Variants in PRKN observed in about 807,000 individuals in gnomAD.
PRKN encodes E3 ubiquitin-protein ligase parkin.
In PRKN, 56 loss-of-function variants were observed where a neutral mutation model predicts 59.5. The ratio of observed to expected loss-of-function variants is 0.94; its 90% CI spans 0.76 to 1.18. PRKN has a LOEUF of 1.18. Among genes scored for constraint, PRKN ranks in the 50% most tolerant of loss-of-function variants. The pLI is 0.00. For synonymous variants in PRKN, 250 were observed against 222.1 expected (o/e 1.13, Z -1.12); for missense variants, 657 against 596.4 (o/e 1.10, Z -1.06).
chr6:162,300,831 A>G (rs1781910280), intron 2 of PRKN, among the ~76,000 whole-genome samples: 1 of 152,126 alleles, frequency 6.6e-6, no homozygotes, highest in South Asian at 2.1e-4. Flanking sequence ...CAACCTACCA[A>G]CAACCATTAA....
At chr6:162,691,529 T>A (rs1029485021) in intron 1 of PRKN, among the ~76,000 whole-genome samples, 22 of 152,108 alleles carry the variant, frequency 1.4e-4, no homozygotes, top group African/African-American at 5.3e-4. Context: ...ACCAATTATC[T>A]CATTGGATAT....
At chr6:161,975,085 C>CTTTTT (rs769121865) in intron 5 of PRKN, among the ~76,000 whole-genome samples, 20 of 124,466 alleles carry the variant, frequency 1.6e-4, no homozygotes, top group Admixed American at 2.5e-4. Flanking sequence ...ACATATACTT[C>CTTTTT]TTTTTTTTTT....
chr6:162,454,585 T>C (rs941795712), intron 1 of PRKN, among the ~76,000 whole-genome samples: 1 of 152,230 alleles, frequency 6.6e-6, no homozygotes, highest in Non-Finnish European at 1.5e-5. Context: ...CTCCCTCCTC[T>C]GTGTCAGTGG....
intron 2 of PRKN, among the ~76,000 whole-genome samples, chr6:162,300,868 A>T (rs541459596): frequency 1.3e-5 from 2 of 152,246 alleles, no homozygotes; most frequent in East Asian, 3.9e-4. Flanking sequence ...CTATACATTA[A>T]CAAAATAAAA....
chr6:162,299,226 G>A (rs567903055), intron 2 of PRKN, among the ~76,000 whole-genome samples: 1 of 152,260 alleles, frequency 6.6e-6, no homozygotes, highest in African/African-American at 2.4e-5. Context: ...ATGGTGGGAC[G>A]CTGCCCATGA....
chr6:161,584,823 C>A lies in PRKN; in HGVS notation c.872-15407G>T, dbSNP rs753768296. ...AACAATTGCGGGATGAGTCTCTGTG[C>A]AGCGATTTTTCAGCATGTCAAAATT... On this transcript the variant is annotated intron_variant, in intron 7 of 11. Transcript: ENST00000366898. This position sits in a 1 kb window ranked among gnomAD's most constrained non-coding sequence, Gnocchi z 4.8. Among the ~76,000 whole-genome samples the A allele has an allele frequency of 2.1e-4, 32 of 152,142 alleles. No individual in the cohort carries two copies. Among genetic ancestry groups the A allele is most frequent in the Non-Finnish European group, 3.7e-4 (25 of 68,034 alleles).
At chr6:162,161,665 G>A (rs1338724718) in intron 4 of PRKN, among the ~76,000 whole-genome samples, 4 of 152,012 alleles carry the variant, frequency 2.6e-5, no homozygotes, top group African/African-American at 7.3e-5. Flanking sequence ...GCTCACGGCT[G>A]GATGATCCAG....
At chr6:162,242,039 C>T (rs1003858821) in intron 3 of PRKN, among the ~76,000 whole-genome samples, 4 of 151,848 alleles carry the variant, frequency 2.6e-5, no homozygotes, top group African/African-American at 7.3e-5. Flanking sequence ...TAAACTCCCA[C>T]ATTTAAAATT....
At chr6:162,448,254 CT>C (rs1327885540) in intron 1 of PRKN, among the ~76,000 whole-genome samples, 4 of 152,124 alleles carry the variant, frequency 2.6e-5, no homozygotes, top group African/African-American at 9.7e-5. Flanking sequence ...GAAGTTTCTT[CT>C]GCACCTTTGA....
chr6:161,885,537 C>A (rs1301507595), intron 6 of PRKN, among the ~76,000 whole-genome samples: 1 of 151,918 alleles, frequency 6.6e-6, no homozygotes, highest in Non-Finnish European at 1.5e-5. Flanking sequence ...TGGTGGCGGG[C>A]CCCTGTAGTC....
chr6:161,747,168 A>C (rs944499657), intron 7 of PRKN, among the ~76,000 whole-genome samples: 2 of 152,180 alleles, frequency 1.3e-5, no homozygotes, highest in African/African-American at 4.8e-5. Flanking sequence ...TGAAAATTTA[A>C]AAAACAAGGC....
chr6:161,557,875 G>C (rs953103560), intron 8 of PRKN, among the ~76,000 whole-genome samples: 1 of 152,032 alleles, frequency 6.6e-6, no homozygotes, highest in Non-Finnish European at 1.5e-5. Context: ...ATCCTTTTGG[G>C]GGCACTCAGG....
chr6:161,940,231 T>C (rs890656646), intron 6 of PRKN, among the ~76,000 whole-genome samples: 13 of 151,686 alleles, frequency 8.6e-5, no homozygotes, highest in African/African-American at 1.5e-4. Flanking sequence ...TGCTGAAGTA[T>C]TGAGGTGTCT....
At chr6:162,211,914 G>C (rs1313744443) in intron 3 of PRKN, among the ~76,000 whole-genome samples, 1 of 152,092 alleles carries the variant, frequency 6.6e-6, no homozygotes, top group Middle Eastern at 3.2e-3. Context: ...TTTTTCTCTA[G>C]TAACATACTG....
chr6:162,295,151 G>A (rs988023153), intron 2 of PRKN, among the ~76,000 whole-genome samples: 1 of 152,172 alleles, frequency 6.6e-6, no homozygotes, highest in African/African-American at 2.4e-5. Context: ...TGGTGCTGGG[G>A]CTTGTGCGTG....
rs1431791431 is a variant in PRKN at position 161,518,149 on chromosome 6, C to G, written c.1083+30705G>C. ...CTGGGGATGGGGCCGGGGGCACTCA[C>G]TGCCTCCCTCACTGGCAGCTGGACA... On this transcript the variant is annotated intron_variant, in intron 9 of 11. Transcript: ENST00000366898. This position sits in a 1 kb window ranked among gnomAD's most constrained non-coding sequence, Gnocchi z 5.0. 6.6e-6 allele frequency among the ~76,000 whole-genome samples: 1 copy of G among 152,120 alleles called. No individual in the cohort carries two copies. Among genetic ancestry groups the G allele is most frequent in the African/African-American group, 2.4e-5 (1 of 41,400 alleles).
chr6:162,054,284 C>G, intron 4 of PRKN, 110 bp from the exon 5 acceptor site: 1 of 784,378 alleles, frequency 1.3e-6, no homozygotes, highest in Non-Finnish European at 2.2e-6. Context: ...GTGTGTAGTC[C>G]AATGATTTTC....
intron 4 of PRKN, among the ~76,000 whole-genome samples, chr6:162,060,038 C>T (rs760994050): frequency 7.9e-5 from 12 of 152,302 alleles, no homozygotes; most frequent in Non-Finnish European, 1.8e-4. Context: ...CAACACAGAC[C>T]TCATGAACCA....
chr6:162,238,522 A>G (rs1778842205), intron 3 of PRKN, among the ~76,000 whole-genome samples: 1 of 152,228 alleles, frequency 6.6e-6, no homozygotes, highest in Non-Finnish European at 1.5e-5. Flanking sequence ...AGCAACTTAC[A>G]TACATAATTC....
Sources: allele counts gnomAD v4.1 joint callset (sites outside exome capture counted in the v4.1 genomes callset), GRCh38; gene constraint gnomAD v4.1.1; non-coding constraint Gnocchi (gnomAD v3.1); transcripts MANE v1.5; gene names NCBI Gene and HGNC (gene_info 2026-07-23, HGNC 2026-07-21).